Variants in SFMBT2 observed in about 807,000 individuals in gnomAD.
SFMBT2 encodes scm-like with four MBT domains protein 2.
SFMBT2 carries 38 observed loss-of-function variants against 110.1 expected under a neutral mutation model. That is an observed-to-expected ratio of 0.35 (90% CI 0.27 to 0.45). The LOEUF (loss-of-function observed/expected upper bound fraction) is 0.45. Among genes scored for constraint, SFMBT2 ranks in the 20% least tolerant of loss-of-function variants. SFMBT2 has a pLI of 1.00. For synonymous variants in SFMBT2, 425 were observed against 425.4 expected, an observed-to-expected ratio of 1.00 and a Z score of 0.01; for missense variants, 1,011 against 1,094.9, an observed-to-expected ratio of 0.92 and a Z score of 1.08.
intron 1 of SFMBT2, among the ~76,000 whole-genome samples, chr10:7,387,329 G>A (rs951728020): frequency 6.6e-6 from 1 of 152,168 alleles, no homozygotes; most frequent in African/African-American, 2.4e-5. Context: ...CAGTTTTCTT[G>A]TGTGTGTATT....
chr10:7,220,453 C>T lies in SFMBT2; in HGVS notation c.1288G>A (p.Val430Ile), dbSNP rs138425580. Reference protein sequence around the residue: ...RNPGELCVASVVSVKGRLMWL... With the variant: ...RNPGELCVASIVSVKGRLMWL... ...ATTAGCCGCCCCTTCACACTCACAA[C>T]GGAGGCCACACACAGTTCTCCTGGA... Residue 430 changes from valine to isoleucine, a missense_variant, in exon 11 of 21, where the codon GTT (valine) becomes ATT (isoleucine). Transcript: ENST00000397167. 7.7e-5 allele frequency: 124 copies of T among 1,613,906 alleles called. No homozygotes were observed. The highest frequency in any genetic ancestry group is 2.7e-4 in the East Asian group (12 of 44,890).
chr10:7,179,189 T>C (rs1838163841), intron 16 of SFMBT2, among the ~76,000 whole-genome samples: 1 of 152,074 alleles, frequency 6.6e-6, no homozygotes, highest in Admixed American at 6.5e-5. Context: ...TGGGTCGAGC[T>C]TGACTTTCCA....
At chr10:7,406,990 G>T (rs1588517449) in intron 1 of SFMBT2, among the ~76,000 whole-genome samples, 1 of 151,808 alleles carries the variant, frequency 6.6e-6, no homozygotes, top group African/African-American at 2.4e-5. Flanking sequence ...GTTGGCGGGG[G>T]GGGAGGGAAG....
rs58744416 is a variant in SFMBT2 at position 7,164,746 on chromosome 10, A to AAC, written c.2545-838_2545-837dup. Among the ~76,000 whole-genome samples the AAC allele has an allele frequency of 5.9e-3, 815 of 137,828 alleles. 6 individuals are homozygous for AAC. Among genetic ancestry groups the AAC allele is most frequent in the Middle Eastern group, 0.011 (3 of 276 alleles). 90.4% of individuals were successfully genotyped at this position (137,828 alleles called of 152,430 possible). A position where few individuals can be genotyped will look rare whatever the true frequency, so the allele number is the denominator to read the frequency against. ...GACAGCACAGGTTTCCATAAAGGGAAACACACACACACACACACACACACA... is the reference window on the plus strand; with the variant it reads ...GACAGCACAGGTTTCCATAAAGGGAAACACACACACACACACACACACACACA... On this transcript the variant is annotated intron_variant, in intron 20 of 20. Coordinates refer to ENST00000397167, the MANE Select transcript of SFMBT2 (RefSeq NM_001387889.1).
At chr10:7,231,102 A>G (rs1052854872) in intron 9 of SFMBT2, among the ~76,000 whole-genome samples, 3 of 152,102 alleles carry the variant, frequency 2.0e-5, no homozygotes, top group African/African-American at 7.2e-5. Context: ...CTCTGCTCCT[A>G]AAAGAAAAGT....
chr10:7,339,338 T>G (rs974576491), intron 4 of SFMBT2, among the ~76,000 whole-genome samples: 1 of 150,486 alleles, frequency 6.6e-6, no homozygotes, highest in African/African-American at 2.5e-5. Context: ...GCTTCACACT[T>G]ACTCAAATCA....
At chr10:7,365,809 T>C (rs1306502147) in intron 4 of SFMBT2, among the ~76,000 whole-genome samples, 2 of 152,150 alleles carry the variant, frequency 1.3e-5, no homozygotes, top group Non-Finnish European at 2.9e-5. Flanking sequence ...CATTAGTGTT[T>C]GCCAAGGGTT....
chr10:7,314,821 C>T (rs563520857), intron 4 of SFMBT2, among the ~76,000 whole-genome samples: 7 of 151,602 alleles, frequency 4.6e-5, no homozygotes, highest in Admixed American at 4.6e-4. Flanking sequence ...GGCAAGAGAA[C>T]CTTTTGAACT....
chr10:7,164,819 C>A (rs910205535), intron 20 of SFMBT2, among the ~76,000 whole-genome samples: 1 of 151,416 alleles, frequency 6.6e-6, no homozygotes, highest in Non-Finnish European at 1.5e-5. Flanking sequence ...CTCCCCAGAG[C>A]GAGGTGTCGC....
chr10:7,236,012 A>G (rs1363649727), intron 9 of SFMBT2, among the ~76,000 whole-genome samples: 5 of 152,168 alleles, frequency 3.3e-5, no homozygotes, highest in Non-Finnish European at 7.4e-5. Flanking sequence ...AGTATCACAA[A>G]AGTCATATCT....
At chr10:7,269,746 GTGTGTGTGTGTGTC>G (rs1172902470) in intron 7 of SFMBT2, among the ~76,000 whole-genome samples, 2 of 105,232 alleles carry the variant, frequency 1.9e-5, no homozygotes, top group African/African-American at 3.5e-5. Flanking sequence ...GTGTGTGTGT[GTGTGTGTGTGTGTC>G]TCTTTTTGGA....
intron 6 of SFMBT2, among the ~76,000 whole-genome samples, chr10:7,277,797 G>C (rs1017168135): frequency 1.9e-4 from 29 of 152,172 alleles, no homozygotes; most frequent in Admixed American, 1.6e-3. Context: ...ATCAACCCAG[G>C]CTACTTCAGA....
chr10:7,238,041 G>A (rs1840312449), intron 9 of SFMBT2, among the ~76,000 whole-genome samples: 1 of 152,200 alleles, frequency 6.6e-6, no homozygotes, highest in Non-Finnish European at 1.5e-5. Flanking sequence ...AGTCAGCACG[G>A]CTGGGTGCTG....
intron 16 of SFMBT2, among the ~76,000 whole-genome samples, chr10:7,183,226 G>C (rs940185022): frequency 1.3e-5 from 2 of 152,176 alleles, no homozygotes; most frequent in African/African-American, 4.8e-5. Context: ...GTCCAGGAAG[G>C]AGAGCTTTCA....
chr10:7,358,694 G>A (rs192611001), intron 4 of SFMBT2, among the ~76,000 whole-genome samples: 1 of 149,396 alleles, frequency 6.7e-6, no homozygotes, highest in East Asian at 2.0e-4. Context: ...CTGGAATGGA[G>A]GCATGGTGGC....
Position 7,171,516 on chromosome 10 carries a change from T to C in SFMBT2, c.2415+379A>G, listed in dbSNP as rs112077978. 1.9e-4 allele frequency: 184 copies of C among 985,360 alleles called. 3 individuals are homozygous for C. In the African/African-American group the frequency reaches 3.0e-3, roughly 16 times the overall value. 61.0% of individuals were successfully genotyped at this position (985,360 alleles called of 1,614,324 possible). A position where few individuals can be genotyped will look rare whatever the true frequency, so the allele number is the denominator to read the frequency against. Reference sequence around the variant, plus strand: ...AACACTGATTAAATATTTTAAAACATCACAGAGGTGTCCTATAGAGGGGAC... The same window carrying C: ...AACACTGATTAAATATTTTAAAACACCACAGAGGTGTCCTATAGAGGGGAC... On this transcript the variant is annotated intron_variant, in intron 19 of 20. Coordinates refer to ENST00000397167, the MANE Select transcript of SFMBT2 (RefSeq NM_001387889.1). This position sits in a 1 kb window ranked among gnomAD's most constrained non-coding sequence, Gnocchi z 4.9.
At chr10:7,348,466 T>G in intron 4 of SFMBT2, 1 of 622,100 alleles carries the variant, frequency 1.6e-6, no homozygotes, top group Non-Finnish European at 2.4e-6. Flanking sequence ...TGACATTGTT[T>G]AATCAACTCT....
At chr10:7,218,200 T>C (rs1035608812) in intron 11 of SFMBT2, among the ~76,000 whole-genome samples, 3 of 152,148 alleles carry the variant, frequency 2.0e-5, no homozygotes, top group African/African-American at 7.2e-5. Flanking sequence ...CATCATTAGA[T>C]AAAAAAATTT....
At chr10:7,191,926 G>A (rs1162479468) in intron 15 of SFMBT2, among the ~76,000 whole-genome samples, 1 of 152,130 alleles carries the variant, frequency 6.6e-6, no homozygotes, top group Non-Finnish European at 1.5e-5. Context: ...TGGAGGCTCA[G>A]GAGTTATCAT....
Sources: allele counts gnomAD v4.1 joint callset (sites outside exome capture counted in the v4.1 genomes callset), GRCh38; gene constraint gnomAD v4.1.1; non-coding constraint Gnocchi (gnomAD v3.1); transcripts MANE v1.5; gene names NCBI Gene and HGNC (gene_info 2026-07-23, HGNC 2026-07-21).